Variants in ERC1 observed in about 807,000 individuals in gnomAD.
ERC1 encodes the protein ELKS/RAB6-interacting/CAST family member 1.
ERC1 carries 56 observed loss-of-function variants against 132.0 expected under a neutral mutation model. That is an observed-to-expected ratio of 0.42 (90% CI 0.34 to 0.53). ERC1 has a LOEUF of 0.53. Ranked by LOEUF, ERC1 falls within the 20% of genes least tolerant of loss-of-function variation. The pLI is 0.03. For missense variants in ERC1, 1,202 were observed against 1,349.9 expected, an observed-to-expected ratio of 0.89 and a Z score of 1.72; for synonymous variants, 478 against 476.1, an observed-to-expected ratio of 1.00 and a Z score of -0.05.
chr12:1,014,952 TG>T (rs1965283139), intron 1 of ERC1, among the ~76,000 whole-genome samples: 1 of 151,270 alleles, frequency 6.6e-6, no homozygotes, highest in Non-Finnish European at 1.5e-5. Context: ...TTAGTAGAGA[TG>T]GGGTTTCACC....
chr12:1,228,049 T>G (rs1334547824), intron 12 of ERC1, among the ~76,000 whole-genome samples: 4 of 152,228 alleles, frequency 2.6e-5, no homozygotes, highest in African/African-American at 9.6e-5. Context: ...TGTTTAGATT[T>G]GTAACATAGT....
At chr12:1,191,939 G>A (rs1266290013) in intron 12 of ERC1, among the ~76,000 whole-genome samples, 1 of 152,140 alleles carries the variant, frequency 6.6e-6, no homozygotes, top group Non-Finnish European at 1.5e-5. Flanking sequence ...TTAAGATGCT[G>A]AATAAACAGT....
In ERC1 at chr12:1,444,612, G is replaced by A. The variant is rs1415183227; in HGVS notation, c.3075G>A (p.Leu1025=). The A allele has an allele frequency of 1.2e-6, 2 of 1,613,962 alleles. No individual in the cohort carries two copies. Among genetic ancestry groups the A allele is most frequent in the Admixed American group, 1.7e-5 (1 of 59,988 alleles). ...ELDQNRSKLK[L]YIGHLTTLCH... ...ACCAAAATAGAAGTAAATTAAAGTT[G>A]TACATTGGACACCTGACAACCCTCT... is the stretch of plus-strand genomic sequence containing the variant. The change falls in exon 18 of 19, where the codon TTG becomes TTA. Residue 1025 remains leucine, a synonymous_variant. Coordinates refer to ENST00000360905, the MANE Select transcript of ERC1 (RefSeq NM_178040.4).
chr12:1,486,101 T>C (rs2094211017), intron 18 of ERC1, among the ~76,000 whole-genome samples: 2 of 152,262 alleles, frequency 1.3e-5, no homozygotes, highest in South Asian at 4.1e-4. Context: ...TATTGTACTT[T>C]TATGGCATGT....
intron 2 of ERC1, among the ~76,000 whole-genome samples, chr12:1,064,822 C>T (rs908820930): frequency 4.6e-5 from 7 of 152,202 alleles, no homozygotes; most frequent in African/African-American, 1.4e-4. Flanking sequence ...GCCTGTATCT[C>T]TGCTGAGACT....
chr12:1,459,020 A>G lies in ERC1; in HGVS notation c.3213+14270A>G, dbSNP rs1407418432. On this transcript the variant is annotated intron_variant, in intron 18 of 18. Transcript: ENST00000360905. ...TACCAGAAAGTAAGGAAGCATTCCAAGAGTGGTGGGGATGTATCAAAACAA... is the reference window on the plus strand; with the variant it reads ...TACCAGAAAGTAAGGAAGCATTCCAGGAGTGGTGGGGATGTATCAAAACAA... Among the ~76,000 whole-genome samples the G allele has an allele frequency of 3.3e-5, 5 of 152,356 alleles. No individual in the cohort carries two copies. The East Asian group carries it at 7.7e-4, about 24-fold the overall frequency.
At chr12:1,256,779 T>C (rs1027337270) in intron 13 of ERC1, among the ~76,000 whole-genome samples, 1 of 150,890 alleles carries the variant, frequency 6.6e-6, no homozygotes, top group African/African-American at 2.5e-5. Context: ...TATCTGCCTT[T>C]ATATTTTAGG....
intron 18 of ERC1, among the ~76,000 whole-genome samples, chr12:1,458,796 C>T (rs948074100): frequency 6.6e-6 from 1 of 152,194 alleles, no homozygotes; most frequent in African/African-American, 2.4e-5. Context: ...CCTTGGCTTC[C>T]CAAAGCATGT....
intron 16 of ERC1, among the ~76,000 whole-genome samples, chr12:1,401,269 A>G (rs1316070767): frequency 1.3e-5 from 2 of 152,130 alleles, no homozygotes; most frequent in Non-Finnish European, 2.9e-5. Flanking sequence ...ATGTGAATTT[A>G]CAGTTCTCTC....
At chr12:1,341,069 C>CTTTTTCTTTT (rs2083806518) in intron 15 of ERC1, among the ~76,000 whole-genome samples, 3 of 63,160 alleles carry the variant, frequency 4.7e-5, no homozygotes, top group African/African-American at 1.3e-4. Flanking sequence ...TTTTCTTTTT[C>CTTTTTCTTTT]TTTTTTTTTT....
intron 17 of ERC1, among the ~76,000 whole-genome samples, chr12:1,420,208 A>G (rs934864738): frequency 2.4e-4 from 34 of 143,412 alleles, no homozygotes; most frequent in African/African-American, 8.3e-4. Flanking sequence ...ACACACCTAT[A>G]CCTTTTACAA....
At chr12:1,230,338 T>C (rs747572800) in intron 12 of ERC1, among the ~76,000 whole-genome samples, 3 of 152,156 alleles carry the variant, frequency 2.0e-5, no homozygotes, top group Non-Finnish European at 2.9e-5. Flanking sequence ...CTTTGACCCA[T>C]TGGTTTTGTC....
Position 1,028,123 on chromosome 12 carries a change from C to T in ERC1, c.220C>T (p.Leu74=). 6.2e-7 allele frequency: 1 copy of T among 1,614,212 alleles called. No homozygotes were observed. The highest frequency in any genetic ancestry group is 8.5e-7 in the Non-Finnish European group (1 of 1,180,038). The change falls in exon 2 of 19, where the codon CTA becomes TTA. Residue 74 remains leucine, a synonymous_variant. Coordinates refer to ENST00000360905, the MANE Select transcript of ERC1 (RefSeq NM_178040.4). ...CTATGCCACCTCTGGCCCTATGTAT[C>T]TAAGTGACCATGAAAATGTGGGTTC... ...AAYATSGPMY[L]SDHENVGSET...
intron 12 of ERC1, among the ~76,000 whole-genome samples, chr12:1,190,536 A>C (rs2154277195): frequency 6.6e-6 from 1 of 152,288 alleles, no homozygotes; most frequent in Middle Eastern, 3.4e-3. Context: ...TTAGATCAAA[A>C]TTAGGAGGAG....
chr12:1,008,165 C>T (rs576453991), intron 1 of ERC1, among the ~76,000 whole-genome samples: 24 of 152,304 alleles, frequency 1.6e-4, no homozygotes, highest in African/African-American at 5.1e-4. Context: ...AGGTATAGGA[C>T]GTTTCTGTAA....
chr12:1,399,968 G>A (rs981635300), intron 16 of ERC1, among the ~76,000 whole-genome samples: 9 of 152,162 alleles, frequency 5.9e-5, no homozygotes, highest in Admixed American at 3.9e-4. Context: ...CTACCAAAAT[G>A]TTTTGCAAAG....
At chr12:1,050,707 T>TA (rs1202886801) in intron 2 of ERC1, among the ~76,000 whole-genome samples, 4 of 152,120 alleles carry the variant, frequency 2.6e-5, no homozygotes, top group Non-Finnish European at 4.4e-5. Context: ...TGCCAAAAAA[T>TA]AAAAAATGAA....
chr12:1,077,797 G>A (rs746180418), intron 2 of ERC1, among the ~76,000 whole-genome samples: 35 of 152,152 alleles, frequency 2.3e-4, no homozygotes, highest in Admixed American at 4.6e-4. Context: ...TCTTCTGTAT[G>A]AATATGCTGG....
intron 7 of ERC1, among the ~76,000 whole-genome samples, chr12:1,132,161 G>T (rs1948827078): frequency 6.6e-6 from 1 of 152,100 alleles, no homozygotes. Context: ...GTAGCAAAGT[G>T]GTTTTTGTGG....
Sources: gnomAD v4.1 joint callset for allele counts (sites outside exome capture counted in the v4.1 genomes callset) on GRCh38, gnomAD v4.1.1 for gene constraint, MANE v1.5 for transcripts, NCBI Gene and HGNC (gene_info 2026-07-23, HGNC 2026-07-21) for gene names.